The following PSD3 variants were observed in gnomAD, a reference collection of about 807,000 sequenced individuals.
PSD3 encodes the protein pleckstrin and Sec7 domain containing 3, also known as PH and SEC7 domain-containing protein 3.
PSD3 carries 49 observed loss-of-function variants against 105.5 expected under a neutral mutation model. The observed-to-expected ratio is 0.46, with a 90% CI of 0.37 to 0.59. The LOEUF (loss-of-function observed/expected upper bound fraction) is 0.59. Among genes scored for constraint, PSD3 ranks in the 20% least tolerant of loss-of-function variants. The pLI, the probability that PSD3 is intolerant of heterozygous loss-of-function variation, is 0.00. For missense variants in PSD3, 1,561 were observed against 1,263.8 expected, an observed-to-expected ratio of 1.24 and a Z score of -3.57; for synonymous variants, 557 against 457.8, an observed-to-expected ratio of 1.22 and a Z score of -2.77.
At chr8:18,735,373 AT>A (rs1288112850) in intron 9 of PSD3, among the ~76,000 whole-genome samples, 3 of 152,210 alleles carry the variant, frequency 2.0e-5, no homozygotes, top group East Asian at 3.9e-4. Flanking sequence ...CAGAATGGTC[AT>A]TGAGATACTC....
chr8:18,549,587 T>A (rs571138344), intron 15 of PSD3, among the ~76,000 whole-genome samples: 1 of 152,208 alleles, frequency 6.6e-6, no homozygotes, highest in Non-Finnish European at 1.5e-5. Flanking sequence ...TGTACTCTTG[T>A]CTGTGGTATA....
chr8:18,757,221 G>A (rs1423860317), intron 9 of PSD3, among the ~76,000 whole-genome samples: 1 of 151,132 alleles, frequency 6.6e-6, no homozygotes, highest in East Asian at 1.9e-4. Flanking sequence ...GGGAGGCCGA[G>A]GTGGGTGGAT....
Position 18,530,985 on chromosome 8 carries a change from A to G in PSD3, c.*4758T>C, listed in dbSNP as rs1341588078. The G allele has an allele frequency of 6.6e-6, 1 of 152,228 alleles. No homozygotes were observed. Among genetic ancestry groups the G allele is most frequent in the African/African-American group, 2.4e-5 (1 of 41,450 alleles). 9.4% of individuals were successfully genotyped at this position (152,228 alleles called of 1,614,324 possible). A position where few individuals can be genotyped will look rare whatever the true frequency, so the allele number is the denominator to read the frequency against. ...CATATCACACTGATTAAGGACAAAAATAATTTTGATGTACATGTACCATAC... is the reference window on the plus strand; with the variant it reads ...CATATCACACTGATTAAGGACAAAAGTAATTTTGATGTACATGTACCATAC... On this transcript the variant is annotated 3_prime_UTR_variant, in exon 16 of 16. Coordinates refer to ENST00000327040, the MANE Select transcript of PSD3 (RefSeq NM_015310.4).
chr8:18,576,860 A>C (rs1802490494), intron 12 of PSD3, among the ~76,000 whole-genome samples: 1 of 151,744 alleles, frequency 6.6e-6, no homozygotes. Context: ...TTGAGTTTGC[A>C]CAAAGGTTAG....
chr8:18,989,711 T>C (rs1488794904), intron 1 of PSD3, among the ~76,000 whole-genome samples: 1 of 152,202 alleles, frequency 6.6e-6, no homozygotes, highest in Admixed American at 6.5e-5. Context: ...TCCTAACAAA[T>C]GGCACTTTTT....
In PSD3 at chr8:18,558,743, C is replaced by G. The variant is rs537994706; in HGVS notation, c.2785-2391G>C. Among the ~76,000 whole-genome samples, 39 of 152,252 alleles carry G rather than the reference C, an allele frequency of 2.6e-4. No homozygotes were observed. In the East Asian group the frequency reaches 6.0e-3, roughly 23 times the overall value. On this transcript the variant is annotated intron_variant, in intron 14 of 15. Transcript: ENST00000327040. ...GGCTGAGGCAGGAGAATCACTTGAA[C>G]CTGGGAGATGGAGGCTGCAGTGAGT... is the stretch of plus-strand genomic sequence containing the variant.
intron 8 of PSD3, chr8:18,774,538 C>A: frequency 3.9e-6 from 1 of 255,768 alleles, no homozygotes. Flanking sequence ...AATTTTGACT[C>A]AGCAATGTTC....
intron 11 of PSD3, among the ~76,000 whole-genome samples, chr8:18,624,118 G>C (rs1806316148): frequency 1.3e-5 from 2 of 151,966 alleles, no homozygotes; most frequent in Admixed American, 1.3e-4. Context: ...GTTTTTATAG[G>C]TGTATACACC....
At chr8:18,935,960 G>T in intron 2 of PSD3, 74 bp downstream of exon 2, 1 of 910,540 alleles carries the variant, frequency 1.1e-6, no homozygotes, top group Admixed American at 2.0e-5. Context: ...AGTAATGCAG[G>T]TGGAGAAAAA....
intron 1 of PSD3, among the ~76,000 whole-genome samples, chr8:19,071,496 T>C (rs531650438): frequency 1.3e-4 from 20 of 152,238 alleles, no homozygotes; most frequent in Admixed American, 3.3e-4. Flanking sequence ...AGAAATGTTC[T>C]GGGTAGAAGA....
chr8:18,659,195 T>A (rs1809132902), intron 9 of PSD3, among the ~76,000 whole-genome samples: 1 of 152,210 alleles, frequency 6.6e-6, no homozygotes, highest in African/African-American at 2.4e-5. Flanking sequence ...CAGCCTCCCC[T>A]ATTTGTATGT....
At chr8:18,584,396 C>A (rs1585304811) in intron 12 of PSD3, among the ~76,000 whole-genome samples, 1 of 152,200 alleles carries the variant, frequency 6.6e-6, no homozygotes, top group Non-Finnish European at 1.5e-5. Context: ...GGCTCTCACA[C>A]TAGAGTGTTC....
At chr8:18,637,435 T>C (rs1292255630) in intron 10 of PSD3, among the ~76,000 whole-genome samples, 2 of 152,186 alleles carry the variant, frequency 1.3e-5, no homozygotes, top group South Asian at 2.1e-4. Context: ...GGAACAGTCT[T>C]ATCACCCCCC....
Position 18,527,476 on chromosome 8 carries a change from G to T in PSD3, c.*8267C>A, listed in dbSNP as rs537309067. The stretch of plus-strand genomic sequence containing the variant: ...AATATCCCCAACTTATAAAAACACA[G>T]GAACAATTATATTCATAAACATTTA... On this transcript the variant is annotated 3_prime_UTR_variant, in exon 16 of 16. Transcript: ENST00000327040. The T allele has an allele frequency of 6.6e-6, 1 of 152,502 alleles. No homozygotes were observed. Among genetic ancestry groups the T allele is most frequent in the East Asian group, 1.9e-4 (1 of 5,178 alleles). The allele number at this position is 152,502 out of a possible 1,614,324, so 9.4% of individuals were successfully genotyped here.
At chr8:19,072,909 T>G (rs889496570) in intron 1 of PSD3, among the ~76,000 whole-genome samples, 20 of 152,206 alleles carry the variant, frequency 1.3e-4, no homozygotes, top group Non-Finnish European at 2.5e-4. Context: ...ATGAATACTT[T>G]TGTACCGTTG....
rs371993162 is a variant in PSD3 at position 19,081,568 on chromosome 8, G to A, written c.324+2638C>T. Among the ~76,000 whole-genome samples, 77 of 152,288 alleles carry A rather than the reference G, an allele frequency of 5.1e-4. No homozygotes were observed. In the South Asian group the frequency reaches 0.012, roughly 24 times the overall value. On this transcript the variant is annotated intron_variant, in intron 1 of 1. Coordinates refer to the PSD3 transcript ENST00000521475. ...ATAACATACATCCTTGCAGAATTTC[G>A]AGATTTTCATAAGAGGAAATAATGC... is the stretch of plus-strand genomic sequence containing the variant.
chr8:18,975,275 T>C (rs372611561), intron 1 of PSD3, among the ~76,000 whole-genome samples: 2 of 152,084 alleles, frequency 1.3e-5, no homozygotes, highest in Middle Eastern at 3.4e-3. Flanking sequence ...ACCAAGTTTC[T>C]GAAATGCACA....
intron 9 of PSD3, among the ~76,000 whole-genome samples, chr8:18,725,093 C>T (rs1397968126): frequency 1.3e-5 from 2 of 152,132 alleles, no homozygotes; most frequent in Admixed American, 1.3e-4. Context: ...GTTTTCAGTG[C>T]AGCAAACAGG....
intron 9 of PSD3, among the ~76,000 whole-genome samples, chr8:18,673,973 C>A (rs1330184022): frequency 1.3e-5 from 2 of 152,080 alleles, no homozygotes; most frequent in East Asian, 3.9e-4. Context: ...AAGACCCTAT[C>A]TCTACAAAAA....
Sources: gnomAD v4.1 joint callset for allele counts (sites outside exome capture counted in the v4.1 genomes callset) on GRCh38, gnomAD v4.1.1 for gene constraint, MANE v1.5 for transcripts, NCBI Gene and HGNC (gene_info 2026-07-23, HGNC 2026-07-21) for gene names.